The following PHLDB2 variants were observed in gnomAD, a reference collection of about 807,000 sequenced individuals.
PHLDB2 encodes pleckstrin homology-like domain family B member 2.
PHLDB2 carries 71 observed loss-of-function variants against 123.6 expected under a neutral mutation model. That is an observed-to-expected ratio of 0.57 (90% confidence interval 0.47 to 0.70). PHLDB2 has a LOEUF of 0.70. Among genes scored for constraint, PHLDB2 ranks in the 30% least tolerant of loss-of-function variants. PHLDB2 has a pLI of 0.00. For missense variants in PHLDB2, 1,446 were observed against 1,519.5 expected (o/e 0.95, Z 0.80); for synonymous variants, 547 against 541.6 (o/e 1.01, Z -0.14).
intron 1 of PHLDB2, among the ~76,000 whole-genome samples, chr3:111,866,014 ATT>A (rs61038523): frequency 0.13 from 7,387 of 56,880 alleles, 165 homozygotes; most frequent in Non-Finnish European, 0.17. Context: ...CCACCCACTC[ATT>A]TTTTTTTTTT....
At chr3:111,820,074 T>A (rs1005475723) in intron 1 of PHLDB2, among the ~76,000 whole-genome samples, 1 of 152,214 alleles carries the variant, frequency 6.6e-6, no homozygotes, top group African/African-American at 2.4e-5. Context: ...GTTGTTCCTC[T>A]TTGTTTTTCT....
upstream of PHLDB2, among the ~76,000 whole-genome samples, chr3:111,855,435 C>G (rs925597401): frequency 1.2e-4 from 18 of 151,196 alleles, no homozygotes; most frequent in Admixed American, 1.1e-3. Flanking sequence ...CTTTCTTTCT[C>G]TCTCTCCCCC....
At chr3:111,954,728 C>T (rs1050833329) in intron 12 of PHLDB2, among the ~76,000 whole-genome samples, 2 of 152,132 alleles carry the variant, frequency 1.3e-5, no homozygotes, top group Admixed American at 1.3e-4. Context: ...TGAGCAGGCA[C>T]GATGCTAGGT....
chr3:111,911,590 G>A, intron 2 of PHLDB2: 1 of 1,531,348 alleles, frequency 6.5e-7, no homozygotes, highest in East Asian at 2.4e-5. Context: ...AGATAAATAA[G>A]TACCAGGGCT....
chr3:111,921,345 A>T (rs1031279120), intron 5 of PHLDB2, among the ~76,000 whole-genome samples: 1 of 152,188 alleles, frequency 6.6e-6, no homozygotes. Flanking sequence ...AAAAGAAAAA[A>T]TTTTTAGTTT....
intron 2 of PHLDB2, among the ~76,000 whole-genome samples, chr3:111,902,570 GA>G (rs2067258097): frequency 6.6e-6 from 1 of 152,304 alleles, no homozygotes; most frequent in African/African-American, 2.4e-5. Flanking sequence ...CACATAGCCA[GA>G]AATAGTAGTA....
At chr3:111,897,076 G>A (rs911779851) in intron 2 of PHLDB2, among the ~76,000 whole-genome samples, 3 of 152,120 alleles carry the variant, frequency 2.0e-5, no homozygotes, top group Non-Finnish European at 4.4e-5. Context: ...CTCTCATGTT[G>A]GCCTTTTATA....
At chr3:111,769,816 G>A (rs1395068797) in intron 1 of PHLDB2, among the ~76,000 whole-genome samples, 1 of 152,208 alleles carries the variant, frequency 6.6e-6, no homozygotes, top group Admixed American at 6.5e-5. Context: ...TATTCAGTAA[G>A]TATTTGGGCA....
chr3:111,852,932 T>C (rs908303026), intron 2 of PHLDB2, among the ~76,000 whole-genome samples: 1 of 152,194 alleles, frequency 6.6e-6, no homozygotes, highest in Non-Finnish European at 1.5e-5. Context: ...ACCTACCTTG[T>C]AATTGTTTAA....
At chr3:111,803,901 T>C (rs1349370274) in intron 1 of PHLDB2, among the ~76,000 whole-genome samples, 1 of 152,192 alleles carries the variant, frequency 6.6e-6, no homozygotes, top group Admixed American at 6.5e-5. Flanking sequence ...AATGGTATCT[T>C]GAGAGTGGGG....
chr3:111,957,869 A>G (rs1577193822), intron 12 of PHLDB2, among the ~76,000 whole-genome samples: 2 of 152,350 alleles, frequency 1.3e-5, no homozygotes, highest in African/African-American at 4.8e-5. Context: ...GCATTTTACA[A>G]ACTTGAGCTC....
At chr3:111,934,594 G>T (rs2069352487) in intron 6 of PHLDB2, among the ~76,000 whole-genome samples, 1 of 152,172 alleles carries the variant, frequency 6.6e-6, no homozygotes, top group African/African-American at 2.4e-5. Context: ...ACTTGTGGCT[G>T]GTCTTCCTAC....
At chr3:111,850,088 C>T (rs926414347) in intron 2 of PHLDB2, among the ~76,000 whole-genome samples, 2 of 151,844 alleles carry the variant, frequency 1.3e-5, no homozygotes, top group Admixed American at 1.3e-4. Flanking sequence ...GTCTCGATCT[C>T]CTGACCTTGT....
intron 5 of PHLDB2, among the ~76,000 whole-genome samples, chr3:111,920,973 G>C (rs2068467108): frequency 6.6e-6 from 1 of 152,094 alleles, no homozygotes; most frequent in Non-Finnish European, 1.5e-5. Flanking sequence ...TTCTTCTTGG[G>C]GTAGTCCTCA....
intron 1 of PHLDB2, among the ~76,000 whole-genome samples, chr3:111,780,385 GAAGAAGAAGAAGAAGAAGAAGAAGAAA>G (rs2060399947): frequency 1.5e-4 from 7 of 46,550 alleles, no homozygotes; most frequent in African/African-American, 1.8e-4. Context: ...AGAAGAAGAA[GAAGAAGAAGAAGAAGAAGAAGAAGAAA>G]AAGATTAGTT....
rs573022196 is a variant in PHLDB2, at chr3:111,943,128, T to A, written c.2398-2140T>A. Among the ~76,000 whole-genome samples the A allele has an allele frequency of 1.6e-4, 24 of 152,296 alleles. No individual in the cohort carries two copies. In the South Asian group the frequency reaches 3.5e-3, roughly 22 times the overall value. The stretch of plus-strand genomic sequence containing the variant: ...GAGAACAAAGTTGGAGGATTTGTAC[T>A]CTTATTTCAAGGTTTACTCTGGAGC... On this transcript the variant is annotated intron_variant, in intron 8 of 17. Coordinates refer to ENST00000431670, the MANE Select transcript of PHLDB2 (RefSeq NM_001134438.2).
chr3:111,929,897 A>G (rs184326411), intron 5 of PHLDB2, among the ~76,000 whole-genome samples: 49 of 146,916 alleles, frequency 3.3e-4, no homozygotes, highest in African/African-American at 1.1e-3. Flanking sequence ...GTAAGGCACT[A>G]TTTAAATATA....
In PHLDB2 at chr3:111,962,201, T is replaced by C; in HGVS notation, c.2966T>C (p.Phe989Ser). The change falls in exon 13 of 18, where the codon TTC becomes TCC. Residue 989 changes from phenylalanine to serine, a missense_variant. Around this residue, in one of 3 missense-constraint regions of PHLDB2, gnomAD observed 594 missense variants for 646.0 expected, o/e 0.92. Transcript: ENST00000431670. ...ASESNVYLNS[F>S]HYPDHSYKDQ... ...GAATCAAATGTCTACTTGAATAGTT[T>C]CCATTATCCAGATCACAGCTACAAG... is the stretch of plus-strand genomic sequence containing the variant. 6.3e-7 allele frequency: 1 copy of C among 1,580,360 alleles called. No homozygotes were observed. The highest frequency in any genetic ancestry group is 8.5e-7 in the Non-Finnish European group (1 of 1,170,488).
intron 1 of PHLDB2, among the ~76,000 whole-genome samples, chr3:111,878,616 C>T (rs553544646): frequency 6.6e-6 from 1 of 152,242 alleles, no homozygotes; most frequent in South Asian, 2.1e-4. Flanking sequence ...GAGAAGGCAT[C>T]GTTGTCTTGT....
Sources: gnomAD v4.1 joint callset for allele counts (sites outside exome capture counted in the v4.1 genomes callset) on GRCh38, gnomAD v4.1.1 for gene constraint, gnomAD v4.1.1 regional missense constraint, MANE v1.5 for transcripts, NCBI Gene and HGNC (gene_info 2026-07-23, HGNC 2026-07-21) for gene names.